The following CD27 variants were observed in gnomAD, a reference collection of about 807,000 sequenced individuals.
CD27 encodes the protein CD27 molecule, also known as CD27 antigen.
CD27 carries 16 observed loss-of-function variants against 25.9 expected under a neutral mutation model. The observed-to-expected ratio is 0.62, with a 90% CI of 0.42 to 0.94. The LOEUF (loss-of-function observed/expected upper bound fraction) is 0.94, where lower values mean the gene tolerates loss of function less well. CD27 is among the 40% of genes least tolerant of loss of function. CD27 has a pLI of 0.00. For synonymous variants in CD27, 142 were observed against 124.3 expected (o/e 1.14, Z -0.95); for missense variants, 300 against 333.2 (o/e 0.90, Z 0.78).
chr12:6,445,241 G>C lies in CD27; in HGVS notation c.136+10G>C. On this transcript the variant is annotated intron_variant, in intron 1 of 5. Transcript: ENST00000266557. The surrounding 1 kb of genome is among the most constrained non-coding windows in gnomAD (Gnocchi z 4.5). ...CAGATGTGTGAGCCAGGTAAGAGGG[G>C]GCCTTGGTAAGGGCCAGGTGAGTGG... The C allele has an allele frequency of 6.2e-7, 1 of 1,613,958 alleles. No individual in the cohort carries two copies. The highest frequency in any genetic ancestry group is 1.3e-5 in the African/African-American group (1 of 75,034).
At chr12:6,449,186 G>A (rs978521384) in intron 2 of CD27, among the ~76,000 whole-genome samples, 15 of 151,772 alleles carry the variant, frequency 9.9e-5, no homozygotes, top group Non-Finnish European at 1.5e-5. Flanking sequence ...TTGTAGAGAC[G>A]GGGTTTCACC....
chr12:6,444,722 AC>A, upstream of CD27: 1 of 176,150 alleles, frequency 5.7e-6, no homozygotes. Flanking sequence ...GGGGTGAGCA[AC>A]TGTGTGTCCA....
chr12:6,446,266 A>G (rs1250730806), intron 2 of CD27, among the ~76,000 whole-genome samples: 1 of 152,072 alleles, frequency 6.6e-6, no homozygotes, highest in African/African-American at 2.4e-5. Flanking sequence ...TACTTGCAAA[A>G]CGTGTTTGGT....
rs10849457 is a variant in CD27, at chr12:6,445,756, C to T, written c.268+201C>T. ...TTAACGTGGGCAGACATCTAGTATTCCAGGAAAGGGATAAATAGAATTTGA... is the reference window on the plus strand; with the variant it reads ...TTAACGTGGGCAGACATCTAGTATTTCAGGAAAGGGATAAATAGAATTTGA... On this transcript the variant is annotated intron_variant, in intron 2 of 5. Coordinates refer to ENST00000266557, the MANE Select transcript of CD27 (RefSeq NM_001242.5). This position sits in a 1 kb window ranked among gnomAD's most constrained non-coding sequence, Gnocchi z 4.5. Among the ~76,000 whole-genome samples, 4,585 of 152,112 alleles carry T rather than the reference C, an allele frequency of 0.03. 230 individuals carry two copies. The highest frequency in any genetic ancestry group is 0.1 in the African/African-American group (4,235 of 41,466).
chr12:6,445,046 A>G lies in CD27; in HGVS notation c.-50A>G. 2 of 1,552,760 alleles carry G rather than the reference A, an allele frequency of 1.3e-6. No homozygotes were observed. Among genetic ancestry groups the G allele is most frequent in the Non-Finnish European group, 1.7e-6 (2 of 1,154,616 alleles). ...CCCAGCTTGGAGGTGCTAACTCCAGAGGCCAGCATCAGCAACTGGGCACAG... is the reference window on the plus strand; with the variant it reads ...CCCAGCTTGGAGGTGCTAACTCCAGGGGCCAGCATCAGCAACTGGGCACAG... On this transcript the variant is annotated 5_prime_UTR_variant, in exon 1 of 6. Transcript: ENST00000266557. This position sits in a 1 kb window ranked among gnomAD's most constrained non-coding sequence, Gnocchi z 4.5.
chr12:6,450,238 T>C lies in CD27; in HGVS notation c.334T>C (p.Cys112Arg), dbSNP rs1238948089. 6.2e-7 allele frequency: 1 copy of C among 1,613,854 alleles called. No homozygotes were observed. ...GTGTGCCTGTCGCAATGGCTGGCAG[T>C]GCAGGGACAAGGAGTGCACCGAGTG... ...AECACRNGWQ[C>R]RDKECTECDP... The change falls in exon 3 of 6, where the codon TGC (cysteine) becomes CGC (arginine). Residue 112 changes from cysteine to arginine, a missense_variant. Physicochemically the swap from Cys to Arg is radical, Grantham distance 180. Transcript: ENST00000266557. This position sits in a 1 kb window ranked among gnomAD's most constrained non-coding sequence, Gnocchi z 4.1.
chr12:6,446,013 G>A lies in CD27; in HGVS notation c.268+458G>A, dbSNP rs11569367. 4.0e-3 allele frequency among the ~76,000 whole-genome samples: 608 copies of A among 152,232 alleles called. 2 individuals are homozygous for A. The highest frequency in any genetic ancestry group is 0.014 in the African/African-American group (587 of 41,532). ...TGCACAAAAGCCAATTTGAGAAAAT[G>A]AGTATGTATGTAGCCTGTGTTTTTA... is the stretch of plus-strand genomic sequence containing the variant. On this transcript the variant is annotated intron_variant, in intron 2 of 5. Transcript: ENST00000266557.
In CD27 at chr12:6,451,375, C is replaced by G. The variant is rs751930967; in HGVS notation, c.766C>G (p.Pro256Ala). The stretch of plus-strand genomic sequence containing the variant: ...CCAGGAGGATTACCGAAAACCGGAG[C>G]CTGCCTGCTCCCCCTGAGCCAGCAC... ...PIQEDYRKPE[P>A]ACSP The change falls in exon 6 of 6, where the codon CCT (proline) becomes GCT (alanine). Residue 256 changes from proline (P) to alanine (A), a missense_variant. Transcript: ENST00000266557. 5.6e-6 allele frequency: 9 copies of G among 1,613,282 alleles called. No homozygotes were observed. Among genetic ancestry groups the G allele is most frequent in the Non-Finnish European group, 6.8e-6 (8 of 1,179,930 alleles).
chr12:6,450,588 T>A lies in CD27; in HGVS notation c.496T>A (p.Phe166Ile), dbSNP rs1565510855. Residue 166 changes from phenylalanine to isoleucine, a missense_variant, in exon 4 of 6, where the codon TTC becomes ATC. Physicochemically the swap from Phe to Ile is conservative, Grantham distance 21. Coordinates refer to ENST00000266557, the MANE Select transcript of CD27 (RefSeq NM_001242.5). The surrounding 1 kb of genome is among the most constrained non-coding windows in gnomAD (Gnocchi z 4.1). ...TAGHMQTLAD[F>I]RQLPARTLST... Reference sequence around the variant, plus strand: ...TGGGCACATGCAGACTCTGGCTGACTTCAGGCAGCTGCCTGCCCGGACTCT... The same window carrying A: ...TGGGCACATGCAGACTCTGGCTGACATCAGGCAGCTGCCTGCCCGGACTCT... 6.2e-7 allele frequency: 1 copy of A among 1,613,270 alleles called. No individual in the cohort carries two copies. The highest frequency in any genetic ancestry group is 8.5e-7 in the Non-Finnish European group (1 of 1,180,008).
At position 6,451,445 on chromosome 12, in the gene CD27, C is replaced by T. The variant is rs533340002; in HGVS notation, c.*53C>T. ...GCCCTGGCCTCCACCCCCACCCCGC[C>T]GACCATCCAAGGGAGAGTGAGACCT... is the stretch of plus-strand genomic sequence containing the variant. On this transcript the variant is annotated 3_prime_UTR_variant, in exon 6 of 6. Transcript: ENST00000266557. The T allele has an allele frequency of 1.3e-6, 2 of 1,577,630 alleles. No homozygotes were observed. Among genetic ancestry groups the T allele is most frequent in the East Asian group, 2.2e-5 (1 of 44,662 alleles).
rs769967539 is a variant in CD27, at chr12:6,445,270, A to G, written c.136+39A>G. 6.2e-7 allele frequency: 1 copy of G among 1,612,510 alleles called. No homozygotes were observed. Among genetic ancestry groups the G allele is most frequent in the Non-Finnish European group, 8.5e-7 (1 of 1,179,450 alleles). ...TTGGTAAGGGCCAGGTGAGTGGCGA[A>G]AGAGAGAGGACTGGGGTTAATACAG... On this transcript the variant is annotated intron_variant, in intron 1 of 5. Transcript: ENST00000266557. This position sits in a 1 kb window ranked among gnomAD's most constrained non-coding sequence, Gnocchi z 4.5.
chr12:6,444,308 A>G (rs1025258993), upstream of CD27, among the ~76,000 whole-genome samples: 1 of 152,184 alleles, frequency 6.6e-6, no homozygotes, highest in East Asian at 1.9e-4. Flanking sequence ...AATTCTGAGC[A>G]TTCTGTAGCA....
At chr12:6,448,375 C>T (rs11569377) in intron 2 of CD27, among the ~76,000 whole-genome samples, 7,826 of 152,186 alleles carry the variant, frequency 0.051, 270 homozygotes, top group Non-Finnish European at 0.074. Flanking sequence ...CTCAAACCAG[C>T]CGCCAGCGAG....
rs2136969337 is a variant in CD27, at chr12:6,450,591, A to G, written c.499A>G (p.Arg167Gly). Residue 167 changes from arginine (R) to glycine (G), a missense_variant, in exon 4 of 6, where the codon AGG becomes GGG. Physicochemically the swap from Arg to Gly is moderately radical, Grantham distance 125. Coordinates refer to ENST00000266557, the MANE Select transcript of CD27 (RefSeq NM_001242.5). The surrounding 1 kb of genome is among the most constrained non-coding windows in gnomAD (Gnocchi z 4.1). ...GCACATGCAGACTCTGGCTGACTTCAGGCAGCTGCCTGCCCGGACTCTCTC... is the reference window on the plus strand; with the variant it reads ...GCACATGCAGACTCTGGCTGACTTCGGGCAGCTGCCTGCCCGGACTCTCTC... Reference protein sequence around the residue: ...AGHMQTLADFRQLPARTLSTH... With the variant: ...AGHMQTLADFGQLPARTLSTH... The G allele has an allele frequency of 6.2e-7, 1 of 1,613,268 alleles. No homozygotes were observed.
At chr12:6,444,661 G>A (rs866963226), upstream of CD27, among the ~76,000 whole-genome samples, 1 of 86,358 alleles carries the variant, frequency 1.2e-5, no homozygotes, top group African/African-American at 4.0e-5. Flanking sequence ...ACGGGGGGGT[G>A]GGTGGGGGGG....
Position 6,450,853 on chromosome 12 carries a change from C to T in CD27, c.539-42C>T. On this transcript the variant is annotated intron_variant, in intron 4 of 5. Coordinates refer to ENST00000266557, the MANE Select transcript of CD27 (RefSeq NM_001242.5). This position sits in a 1 kb window ranked among gnomAD's most constrained non-coding sequence, Gnocchi z 4.1. ...AGGGCTGGGCTGAGGGAGCCAAGGGCTAGACCCTCCCCTAACCCCTGTGTG... is the reference window on the plus strand; with the variant it reads ...AGGGCTGGGCTGAGGGAGCCAAGGGTTAGACCCTCCCCTAACCCCTGTGTG... The T allele has an allele frequency of 6.2e-7, 1 of 1,613,188 alleles. No homozygotes were observed. The highest frequency in any genetic ancestry group is 8.5e-7 in the Non-Finnish European group (1 of 1,179,494).
rs150872364 is a variant in CD27, at chr12:6,450,631, G to A, written c.538+1G>A. ...CGGACTCTCTCTACCCACTGGCCAC[G>A]TGAGTTTTCTCCTTAATCCCCACCG... On this transcript the variant is annotated splice_donor_variant, in intron 4 of 5. Transcript: ENST00000266557. LOFTEE classifies it high-confidence loss of function. This position sits in a 1 kb window ranked among gnomAD's most constrained non-coding sequence, Gnocchi z 4.1. 3 of 1,611,220 alleles carry A rather than the reference G, an allele frequency of 1.9e-6. No homozygotes were observed. The highest frequency in any genetic ancestry group is 2.5e-6 in the Non-Finnish European group (3 of 1,179,678).
rs758208788 is a variant in CD27 at position 6,450,865 on chromosome 12, C to T, written c.539-30C>T. 5 of 1,613,812 alleles carry T rather than the reference C, an allele frequency of 3.1e-6. No homozygotes were observed. Among genetic ancestry groups the T allele is most frequent in the Admixed American group, 3.3e-5 (2 of 60,012 alleles). ...AGGGAGCCAAGGGCTAGACCCTCCCCTAACCCCTGTGTGTCCCCTCCTATT... is the reference window on the plus strand; with the variant it reads ...AGGGAGCCAAGGGCTAGACCCTCCCTTAACCCCTGTGTGTCCCCTCCTATT... On this transcript the variant is annotated intron_variant, in intron 4 of 5. Transcript: ENST00000266557. This position sits in a 1 kb window ranked among gnomAD's most constrained non-coding sequence, Gnocchi z 4.1.
At chr12:6,451,233 C>T (rs755787331) in intron 5 of CD27, 35 bp from the exon 6 acceptor site, 1 of 1,607,238 alleles carries the variant, frequency 6.2e-7, no homozygotes, top group Non-Finnish European at 8.5e-7. Context: ...CCTGCCCCCA[C>T]TGCTGGCCAA....
Sources: allele counts gnomAD v4.1 joint callset (sites outside exome capture counted in the v4.1 genomes callset), GRCh38; gene constraint gnomAD v4.1.1; non-coding constraint Gnocchi (gnomAD v3.1); transcripts MANE v1.5; gene names NCBI Gene and HGNC (gene_info 2026-07-23, HGNC 2026-07-21).